SMIM13: variants seen among roughly 807,000 people sequenced by gnomAD.
SMIM13 encodes UPF0766 protein C6orf228.
In SMIM13, 3 loss-of-function variants were observed where a neutral mutation model predicts 5.9. The ratio of observed to expected loss-of-function variants is 0.51; its 90% confidence interval spans 0.23 to 1.31. SMIM13 has a LOEUF of 1.31. Ranked by LOEUF, SMIM13 falls within the 40% of genes most tolerant of loss-of-function variation. SMIM13 has a pLI of 0.18. For synonymous variants in SMIM13, 55 were observed against 46.0 expected (o/e 1.19, Z -0.79); for missense variants, 85 against 109.9 (o/e 0.77, Z 1.01).
At chr6:11,125,251 C>T (rs373127443) in intron 1 of SMIM13, among the ~76,000 whole-genome samples, 2 of 139,060 alleles carry the variant, frequency 1.4e-5, no homozygotes, top group Admixed American at 7.7e-5. Flanking sequence ...GTCGAGATTG[C>T]GCTACTGCAC....
At chr6:11,117,680 T>C (rs973980018) in intron 1 of SMIM13, among the ~76,000 whole-genome samples, 1 of 152,156 alleles carries the variant, frequency 6.6e-6, no homozygotes, top group African/African-American at 2.4e-5. Context: ...ATGTATTTTG[T>C]ATGATAAAAT....
chr6:11,134,550 C>T lies in SMIM13; in HGVS notation c.224C>T (p.Ser75Phe). 1 of 1,550,130 alleles carries T rather than the reference C, an allele frequency of 6.5e-7. No homozygotes were observed. Among genetic ancestry groups the T allele is most frequent in the Non-Finnish European group, 8.7e-7 (1 of 1,146,080 alleles). ...TCCTCCTCTCCACACAGAATCAGAT[C>T]CGCTCGCCAAAGGAGGGCACCTGCT... is the stretch of plus-strand genomic sequence containing the variant. Reference protein sequence around the residue: ...DTSSSPHRIRSARQRRAPADE... With the variant: ...DTSSSPHRIRFARQRRAPADE... Residue 75 changes from serine (S) to phenylalanine (F), a missense_variant, in exon 2 of 2, where the codon TCC (serine) becomes TTC (phenylalanine). Ser to Phe is a radical substitution (Grantham distance 155). Transcript: ENST00000416247.
chr6:11,114,592 C>CTTTTTT (rs58585640), intron 1 of SMIM13, among the ~76,000 whole-genome samples: 21 of 21,846 alleles, frequency 9.6e-4, no homozygotes, highest in East Asian at 1.9e-3. Context: ...CACTTTTTCT[C>CTTTTTT]TTTTTTTTTT....
At chr6:11,114,600 T>C (rs1329181501) in intron 1 of SMIM13, among the ~76,000 whole-genome samples, 1 of 123,636 alleles carries the variant, frequency 8.1e-6, no homozygotes, top group Non-Finnish European at 1.7e-5. Context: ...CTCTTTTTTT[T>C]TTTTTTTTTT....
intron 1 of SMIM13, 56 bp downstream of exon 1, chr6:11,094,445 G>A: frequency 8.4e-7 from 1 of 1,190,512 alleles, no homozygotes; most frequent in Non-Finnish European, 1.1e-6. Flanking sequence ...CTGATCTGCT[G>A]GGGTTTTTTT....
chr6:11,115,461 G>A (rs1758224891), intron 1 of SMIM13, among the ~76,000 whole-genome samples: 2 of 152,204 alleles, frequency 1.3e-5, no homozygotes, highest in South Asian at 4.2e-4. Flanking sequence ...CATGCCAGTT[G>A]AATCTCTGAC....
At chr6:11,102,004 C>T (rs1443129382) in intron 1 of SMIM13, among the ~76,000 whole-genome samples, 1 of 152,204 alleles carries the variant, frequency 6.6e-6, no homozygotes, top group African/African-American at 2.4e-5. Context: ...TCCCAAAGTG[C>T]TGGGATTACA....
intron 1 of SMIM13, among the ~76,000 whole-genome samples, chr6:11,115,254 G>A (rs1380683896): frequency 2.6e-5 from 4 of 152,126 alleles, no homozygotes; most frequent in East Asian, 3.9e-4. Context: ...TTAAGACAAC[G>A]CACAGTTATT....
intron 1 of SMIM13, among the ~76,000 whole-genome samples, chr6:11,110,582 A>G (rs756571722): frequency 7.9e-5 from 12 of 152,144 alleles, no homozygotes; most frequent in Non-Finnish European, 1.3e-4. Context: ...AGAGGAATGG[A>G]GGAAAATTTG....
At chr6:11,112,265 T>G (rs1284922319) in intron 1 of SMIM13, among the ~76,000 whole-genome samples, 3 of 152,086 alleles carry the variant, frequency 2.0e-5, no homozygotes, top group Non-Finnish European at 2.9e-5. Context: ...TTGCTTTTTT[T>G]TTTTTGGAGA....
Position 11,094,395 on chromosome 6 carries a change from TG to T in SMIM13, c.76+11del, listed in dbSNP as rs748160605. On this transcript the variant is annotated splice_region_variant and intron_variant, in intron 1 of 1. Coordinates refer to ENST00000416247, the MANE Select transcript of SMIM13 (RefSeq NM_001135575.2). ...CCTGCTGCTGATGGTGTGCGGTGAGTGGGGGCGGTAGCCGCGAGGCAGTTCC... is the reference window on the plus strand; with the variant it reads ...CCTGCTGCTGATGGTGTGCGGTGAGTGGGGCGGTAGCCGCGAGGCAGTTCC... The T allele has an allele frequency of 5.2e-6, 8 of 1,533,124 alleles. No homozygotes were observed. The African/African-American group carries it at 5.5e-5, about 11-fold the overall frequency. 95.0% of individuals were successfully genotyped at this position (1,533,124 alleles called of 1,614,324 possible).
chr6:11,134,346 T>C (rs1758489585), intron 1 of SMIM13, 57 bp from the exon 2 acceptor site: 2 of 1,320,430 alleles, frequency 1.5e-6, no homozygotes, highest in East Asian at 5.0e-5. Flanking sequence ...TGTAACATTC[T>C]GAATTGATAA....
rs369018903 is a variant in SMIM13 at position 11,131,790 on chromosome 6, T to TA, written c.77-2612dup. On this transcript the variant is annotated intron_variant, in intron 1 of 1. Coordinates refer to ENST00000416247, the MANE Select transcript of SMIM13 (RefSeq NM_001135575.2). ...AATTAACAAAACTGGATTGAAGACT[T>TA]ACATCTAAGAGCAAAACTATAAACT... Among the ~76,000 whole-genome samples the TA allele has an allele frequency of 2.8e-3, 421 of 152,276 alleles. 5 individuals are homozygous for TA. Among genetic ancestry groups the TA allele is most frequent in the African/African-American group, 9.3e-3 (385 of 41,568 alleles).
At position 11,133,991 on chromosome 6, in the gene SMIM13, T is replaced by C. The variant is rs568218873; in HGVS notation, c.77-412T>C. 2.0e-5 allele frequency among the ~76,000 whole-genome samples: 3 copies of C among 152,268 alleles called. 1 individual carries two copies. Among genetic ancestry groups the C allele is most frequent in the African/African-American group, 4.8e-5 (2 of 41,546 alleles). On this transcript the variant is annotated intron_variant, in intron 1 of 1. Coordinates refer to ENST00000416247, the MANE Select transcript of SMIM13 (RefSeq NM_001135575.2). ...TTAAGTCCTGCTGTTTAAGGCCTTA[T>C]GGATTCTGATCGAAACAAACTTGCT...
At chr6:11,104,576 T>C in intron 1 of SMIM13, 1 of 1,611,676 alleles carries the variant, frequency 6.2e-7, no homozygotes, top group Non-Finnish European at 8.5e-7. Flanking sequence ...TCTGGTTAGC[T>C]CCCTTGGTTT....
intron 1 of SMIM13, among the ~76,000 whole-genome samples, chr6:11,099,954 AC>A (rs1195266145): frequency 6.6e-6 from 1 of 152,172 alleles, no homozygotes; most frequent in Admixed American, 6.5e-5. Context: ...GTGTAATATG[AC>A]CACACTTTCA....
intron 1 of SMIM13, among the ~76,000 whole-genome samples, chr6:11,096,940 CT>C (rs1207355788): frequency 6.6e-6 from 1 of 152,228 alleles, no homozygotes; most frequent in East Asian, 1.9e-4. Context: ...ATCCACCCGC[CT>C]CGGCTTCCCA....
intron 1 of SMIM13, chr6:11,103,177 T>C (rs1041879684): frequency 4.5e-5 from 7 of 154,068 alleles, no homozygotes; most frequent in African/African-American, 1.4e-4. Context: ...GAAGGTCATA[T>C]ATGAGTTAAA....
At chr6:11,113,988 T>TTA (rs1554119082) in intron 1 of SMIM13, among the ~76,000 whole-genome samples, 36 of 150,626 alleles carry the variant, frequency 2.4e-4, no homozygotes, top group African/African-American at 8.8e-4. Context: ...TTTTTTTTTT[T>TTA]AATTTTTTTG....
Sources: gnomAD v4.1 joint callset for allele counts (sites outside exome capture counted in the v4.1 genomes callset) on GRCh38, gnomAD v4.1.1 for gene constraint, MANE v1.5 for transcripts, NCBI Gene and HGNC (gene_info 2026-07-23, HGNC 2026-07-21) for gene names.